SH3RF1: variants seen among roughly 807,000 people sequenced by gnomAD.
SH3RF1 encodes the protein E3 ubiquitin-protein ligase SH3RF1.
Under a neutral mutation model 74.0 loss-of-function variants are expected in SH3RF1, and 32 were observed. The ratio of observed to expected loss-of-function variants is 0.43; its 90% CI spans 0.33 to 0.58. SH3RF1 has a LOEUF of 0.58. Ranked by LOEUF, SH3RF1 falls within the 20% of genes least tolerant of loss-of-function variation. The probability of loss-of-function intolerance (pLI) is 0.05; values close to 1 mark genes in which losing one functional copy is unlikely to be tolerated. For synonymous variants in SH3RF1, 396 were observed against 439.6 expected (o/e 0.90, Z 1.24); for missense variants, 954 against 1,130.9 (o/e 0.84, Z 2.24).
chr4:169,234,648 C>A (rs1465022229), intron 2 of SH3RF1, among the ~76,000 whole-genome samples: 1 of 152,126 alleles, frequency 6.6e-6, no homozygotes, highest in African/African-American at 2.4e-5. Context: ...TACTGCCTGG[C>A]ATTGTTTGGA....
intron 2 of SH3RF1, among the ~76,000 whole-genome samples, chr4:169,198,718 A>C (rs1734862093): frequency 6.6e-6 from 1 of 152,200 alleles, no homozygotes; most frequent in Non-Finnish European, 1.5e-5. Flanking sequence ...ACATATTATC[A>C]TAAAATTGCA....
chr4:169,122,323 C>T, intron 6 of SH3RF1, 57 bp from the exon 7 acceptor site: 1 of 1,510,914 alleles, frequency 6.6e-7, no homozygotes. Context: ...TACTGATTTA[C>T]ATCTTCCTAT....
intron 2 of SH3RF1, among the ~76,000 whole-genome samples, chr4:169,161,416 T>C (rs1734146758): frequency 6.6e-6 from 1 of 152,260 alleles, no homozygotes. Context: ...GTGATCTGCC[T>C]ATAAATATTT....
chr4:169,230,709 A>T (rs1035691510), intron 2 of SH3RF1, among the ~76,000 whole-genome samples: 2 of 152,046 alleles, frequency 1.3e-5, no homozygotes, highest in East Asian at 3.9e-4. Flanking sequence ...AAATACACAA[A>T]TTAGCTGGGC....
Position 169,106,900 on chromosome 4 carries a change from G to C in SH3RF1, c.2445C>G (p.Ala815=). ...TCAAGACAGGACCCAGGGAGGAACA[G>C]GCCTGGCGAGGAGGTGGAGCGATGG... ...AVPIAPPPRQ[A]CSSLGPVLNE... The change falls in exon 11 of 12, where the codon GCC becomes GCG. Residue 815 remains alanine, a synonymous_variant. Coordinates refer to ENST00000284637, the MANE Select transcript of SH3RF1 (RefSeq NM_020870.4). 1 of 1,613,468 alleles carries C rather than the reference G, an allele frequency of 6.2e-7. No homozygotes were observed. The highest frequency in any genetic ancestry group is 2.2e-5 in the East Asian group (1 of 44,880).
chr4:169,255,894 A>T (rs1429968101), intron 2 of SH3RF1, among the ~76,000 whole-genome samples: 3 of 151,954 alleles, frequency 2.0e-5, no homozygotes, highest in Admixed American at 1.3e-4. Context: ...CAGCTTCTGA[A>T]GTTGCTGAGA....
At chr4:169,119,442 A>G (rs567261921) in intron 8 of SH3RF1, among the ~76,000 whole-genome samples, 14 of 151,906 alleles carry the variant, frequency 9.2e-5, no homozygotes, top group African/African-American at 3.4e-4. Context: ...AAGCAGAGAG[A>G]CTTCTAATAA....
chr4:169,109,589 T>G (rs1473640550), intron 10 of SH3RF1, among the ~76,000 whole-genome samples: 1 of 152,214 alleles, frequency 6.6e-6, no homozygotes, highest in Non-Finnish European at 1.5e-5. Context: ...TTCTGATTTT[T>G]TCTATGTTAG....
intron 1 of SH3RF1, among the ~76,000 whole-genome samples, chr4:169,270,458 C>A (rs1324163114): frequency 6.6e-6 from 1 of 151,488 alleles, no homozygotes; most frequent in East Asian, 1.9e-4. Context: ...TCCCTCTACA[C>A]GACTGCGGGA....
At chr4:169,247,807 AC>A (rs778012932) in intron 2 of SH3RF1, among the ~76,000 whole-genome samples, 39 of 152,230 alleles carry the variant, frequency 2.6e-4, no homozygotes, top group African/African-American at 5.1e-4. Flanking sequence ...CAAGAAAAAA[AC>A]GACCCCATCA....
chr4:169,226,919 C>A (rs1307732533), intron 2 of SH3RF1, among the ~76,000 whole-genome samples: 1 of 152,146 alleles, frequency 6.6e-6, no homozygotes, highest in African/African-American at 2.4e-5. Flanking sequence ...GTAATCCCAG[C>A]ACTTTGGTAG....
At chr4:169,248,666 C>T (rs1489954463) in intron 2 of SH3RF1, among the ~76,000 whole-genome samples, 1 of 151,870 alleles carries the variant, frequency 6.6e-6, no homozygotes, top group African/African-American at 2.4e-5. Context: ...TTAAAAAATT[C>T]AAAAAAAGTA....
intron 6 of SH3RF1, among the ~76,000 whole-genome samples, chr4:169,124,362 T>C (rs1733490829): frequency 6.6e-6 from 1 of 152,202 alleles, no homozygotes; most frequent in African/African-American, 2.4e-5. Flanking sequence ...TCTTTTGTAA[T>C]ATAAATAAAA....
intron 2 of SH3RF1, among the ~76,000 whole-genome samples, chr4:169,188,116 C>T (rs1734639153): frequency 6.6e-6 from 1 of 151,716 alleles, no homozygotes; most frequent in Admixed American, 6.6e-5. Context: ...CATGGCCCTG[C>T]TAACACCTTG....
intron 2 of SH3RF1, among the ~76,000 whole-genome samples, chr4:169,234,534 C>T (rs1366170887): frequency 6.6e-6 from 1 of 152,166 alleles, no homozygotes; most frequent in African/African-American, 2.4e-5. Context: ...CAATGATATC[C>T]TAATAGCTGC....
chr4:169,269,285 T>C lies in SH3RF1; in HGVS notation c.-73A>G. 6.9e-7 allele frequency: 1 copy of C among 1,451,772 alleles called. No homozygotes were observed. The allele number at this position is 1,451,772 out of a possible 1,614,324, so 89.9% of individuals were successfully genotyped here. On this transcript the variant is annotated 5_prime_UTR_variant, in exon 2 of 12. Transcript: ENST00000284637. ...TGTGCATCCCTTAAAATGACTCATG[T>C]AACATCCATTTCAGACTTTGCTCTA...
At chr4:169,228,908 A>C (rs748412049) in intron 2 of SH3RF1, among the ~76,000 whole-genome samples, 1 of 152,214 alleles carries the variant, frequency 6.6e-6, no homozygotes, top group African/African-American at 2.4e-5. Flanking sequence ...TTGTAATGTT[A>C]GAATTTTACT....
intron 4 of SH3RF1, among the ~76,000 whole-genome samples, chr4:169,148,691 A>C (rs1043180073): frequency 1.3e-5 from 2 of 152,204 alleles, no homozygotes; most frequent in Admixed American, 1.3e-4. Flanking sequence ...CAAACGGGGT[A>C]CTGTAGAAGT....
intron 2 of SH3RF1, among the ~76,000 whole-genome samples, chr4:169,246,836 T>G (rs1422966968): frequency 6.6e-6 from 1 of 152,202 alleles, no homozygotes. Flanking sequence ...CCATTCAAAT[T>G]TTTTCATCTA....
Sources: allele counts gnomAD v4.1 joint callset (sites outside exome capture counted in the v4.1 genomes callset), GRCh38; gene constraint gnomAD v4.1.1; transcripts MANE v1.5; gene names NCBI Gene and HGNC (gene_info 2026-07-23, HGNC 2026-07-21).